Variants in SENP6 observed in about 807,000 individuals in gnomAD.
SENP6 encodes the protein SUMO specific peptidase 6.
Under a neutral mutation model 134.5 loss-of-function variants are expected in SENP6, and 41 were observed. That is an observed-to-expected ratio of 0.30 (90% CI 0.24 to 0.40). The LOEUF (loss-of-function observed/expected upper bound fraction) is 0.40, where lower values mean the gene tolerates loss of function less well. Among genes scored for constraint, SENP6 ranks in the 10% least tolerant of loss-of-function variants. The pLI is 1.00. For synonymous variants in SENP6, 395 were observed against 429.8 expected (o/e 0.92, Z 1.00); for missense variants, 1,248 against 1,312.5 (o/e 0.95, Z 0.76).
In SENP6 at chr6:75,650,756, A is replaced by G. The variant is rs192295366; in HGVS notation, c.550+2955A>G. 1.8e-4 allele frequency among the ~76,000 whole-genome samples: 28 copies of G among 152,314 alleles called. 1 individual carries two copies. The highest frequency in any genetic ancestry group is 5.8e-4 in the African/African-American group (24 of 41,580). On this transcript the variant is annotated intron_variant, in intron 7 of 23. Transcript: ENST00000447266. Reference sequence around the variant, plus strand: ...AATAGCAATGCTATAATAATACTGTATATATTGTTATATGAAGATTGCATT... The same window carrying G: ...AATAGCAATGCTATAATAATACTGTGTATATTGTTATATGAAGATTGCATT...
In SENP6 at chr6:75,709,598, C is replaced by T. The variant is rs750643862; in HGVS notation, c.2788C>T (p.Leu930Phe). 6.2e-6 allele frequency: 10 copies of T among 1,613,648 alleles called. No individual in the cohort carries two copies. In the South Asian group the frequency reaches 1.1e-4, roughly 18 times the overall value. Residue 930 changes from leucine (L) to phenylalanine (F), a missense_variant, in exon 20 of 24, where the codon CTC (leucine) becomes TTC (phenylalanine). Leu to Phe is a conservative substitution (Grantham distance 22, BLOSUM62 0). Around this residue, in one of 3 missense-constraint regions of SENP6, gnomAD observed 386 missense variants for 395.0 expected, o/e 0.98. Transcript: ENST00000447266. ...PEAGKMLEDELVDFSEDQDNQ... is the reference protein window; with the variant it reads ...PEAGKMLEDEFVDFSEDQDNQ... The stretch of plus-strand genomic sequence containing the variant: ...AGCTGGTAAAATGCTTGAAGATGAA[C>T]TCGTCGACTTCTCAGAAGATCAGGA...
At chr6:75,669,292 G>A (rs1480623979) in intron 10 of SENP6, among the ~76,000 whole-genome samples, 6 of 152,128 alleles carry the variant, frequency 3.9e-5, no homozygotes, top group Non-Finnish European at 8.8e-5. Flanking sequence ...GGAGGTGGAG[G>A]TTGCGGTGAG....
At chr6:75,635,759 T>C (rs1022777609) in intron 5 of SENP6, among the ~76,000 whole-genome samples, 2 of 152,056 alleles carry the variant, frequency 1.3e-5, no homozygotes, top group African/African-American at 2.4e-5. Flanking sequence ...GGCCTACATA[T>C]GGCAAAAACA....
chr6:75,605,794 TA>T, intron 1 of SENP6, among the ~76,000 whole-genome samples: 1 of 152,022 alleles, frequency 6.6e-6, no homozygotes. Context: ...TATCTTTTTT[TA>T]AAAAAAAGTT....
intron 11 of SENP6, 49 bp from the exon 12 acceptor site, chr6:75,675,386 T>C: frequency 1.9e-6 from 2 of 1,068,860 alleles, no homozygotes; most frequent in East Asian, 2.5e-5. Flanking sequence ...AAGTGAAGCC[T>C]GCCTTTCTTT....
At chr6:75,660,049 A>T (rs1403172500) in intron 8 of SENP6, among the ~76,000 whole-genome samples, 1 of 152,198 alleles carries the variant, frequency 6.6e-6, no homozygotes. Context: ...GCTGCATTGA[A>T]TTGCTGCGAA....
intron 3 of SENP6, among the ~76,000 whole-genome samples, chr6:75,633,072 A>G (rs1365700076): frequency 1.3e-5 from 2 of 152,176 alleles, no homozygotes; most frequent in Admixed American, 6.5e-5. Context: ...ATATACTGTG[A>G]TCTCTCTAAA....
At position 75,670,673 on chromosome 6, in the gene SENP6, A is replaced by C. The variant is rs763394690; in HGVS notation, c.1345A>C (p.Ser449Arg). 2 of 1,613,278 alleles carry C rather than the reference A, an allele frequency of 1.2e-6. No individual in the cohort carries two copies. The highest frequency in any genetic ancestry group is 1.7e-6 in the Non-Finnish European group (2 of 1,179,614). ...SFDSVILNCR[S>R]IRVGTLFRLL... is the part of the protein sequence containing the mutation. ...TGACAGTGTCATTTTAAACTGTCGA[A>C]GTATACGAGTAGGAACACTCTTCCG... Residue 449 changes from serine (S) to arginine (R), a missense_variant, in exon 11 of 24, where the codon AGT (serine) becomes CGT (arginine). Physicochemically the swap from Ser to Arg is moderately radical, Grantham distance 110. Around this residue, in one of 3 missense-constraint regions of SENP6, gnomAD observed 733 missense variants for 725.4 expected, o/e 1.01. Coordinates refer to ENST00000447266, the MANE Select transcript of SENP6 (RefSeq NM_015571.4).
intron 23 of SENP6, among the ~76,000 whole-genome samples, chr6:75,715,094 T>G (rs974748982): frequency 5.9e-5 from 9 of 152,166 alleles, no homozygotes; most frequent in African/African-American, 2.2e-4. Context: ...CTGCAGACCA[T>G]ATGTAAATGA....
chr6:75,612,702 A>G (rs1477994583), intron 1 of SENP6, among the ~76,000 whole-genome samples: 1 of 152,182 alleles, frequency 6.6e-6, no homozygotes, highest in Non-Finnish European at 1.5e-5. Context: ...AAAACTTAAA[A>G]ACAGTACTGA....
chr6:75,681,928 A>G (rs190441360), intron 16 of SENP6, among the ~76,000 whole-genome samples: 3 of 152,310 alleles, frequency 2.0e-5, no homozygotes, highest in Admixed American at 1.3e-4. Flanking sequence ...CTCAAAATAC[A>G]AAACTGAAAT....
At chr6:75,664,644 G>T (rs1772054315) in intron 9 of SENP6, among the ~76,000 whole-genome samples, 1 of 152,164 alleles carries the variant, frequency 6.6e-6, no homozygotes, top group South Asian at 2.1e-4. Flanking sequence ...AGTGTTGAAA[G>T]AGAAACCATG....
Position 75,659,371 on chromosome 6 carries a change from A to C in SENP6, c.660A>C (p.Leu220=), listed in dbSNP as rs202089228. The change falls in exon 8 of 24, where the codon CTA becomes CTC. Residue 220 remains leucine (L), a synonymous_variant. Transcript: ENST00000447266. The part of the protein sequence containing the change: ...HCSTYQPTPP[L]SPASKKCLTH... ...GTACCTATCAGCCTACTCCTCCTCTATCTCCTGCTTCAAAAAAATGTTTAA... is the reference window on the plus strand; with the variant it reads ...GTACCTATCAGCCTACTCCTCCTCTCTCTCCTGCTTCAAAAAAATGTTTAA... The C allele has an allele frequency of 3.7e-6, 6 of 1,610,512 alleles. No homozygotes were observed. Among genetic ancestry groups the C allele is most frequent in the Non-Finnish European group, 5.1e-6 (6 of 1,177,994 alleles).
At chr6:75,712,735 G>GA (rs773110436) in intron 21 of SENP6, among the ~76,000 whole-genome samples, 159 of 148,172 alleles carry the variant, frequency 1.1e-3, no homozygotes, top group Middle Eastern at 3.5e-3. Context: ...GTGGAATCTT[G>GA]AAAAAAAAAA....
intron 17 of SENP6, 79 bp downstream of exon 17, chr6:75,696,002 A>G (rs1774635876): frequency 1.5e-6 from 2 of 1,300,566 alleles, no homozygotes; most frequent in Non-Finnish European, 2.1e-6. Context: ...ACTTGAAAGA[A>G]AACACAAATC....
chr6:75,623,017 C>A (rs1330169154), intron 2 of SENP6, among the ~76,000 whole-genome samples: 1 of 151,120 alleles, frequency 6.6e-6, no homozygotes, highest in African/African-American at 2.4e-5. Flanking sequence ...GAAAATATAC[C>A]ACTTTTTAAA....
intron 5 of SENP6, among the ~76,000 whole-genome samples, chr6:75,638,241 T>A (rs796401361): frequency 1.9e-3 from 167 of 89,380 alleles, no homozygotes; most frequent in African/African-American, 6.5e-3. Flanking sequence ...CCTTTTCTTT[T>A]GTTTTTTTTT....
chr6:75,708,553 TG>T (rs1775556996), intron 19 of SENP6, among the ~76,000 whole-genome samples: 1 of 152,122 alleles, frequency 6.6e-6, no homozygotes, highest in African/African-American at 2.4e-5. Context: ...ATTGCATCAC[TG>T]GACTCCACCT....
intron 1 of SENP6, among the ~76,000 whole-genome samples, chr6:75,604,625 CA>C (rs536476652): frequency 6.1e-4 from 82 of 134,246 alleles, no homozygotes; most frequent in South Asian, 3.3e-3. Context: ...ATTCTGTCTC[CA>C]AAAAAAAAAA....
Sources: allele counts gnomAD v4.1 joint callset (sites outside exome capture counted in the v4.1 genomes callset), GRCh38; gene constraint gnomAD v4.1.1; regional missense constraint gnomAD v4.1.1; transcripts MANE v1.5; gene names NCBI Gene and HGNC (gene_info 2026-07-23, HGNC 2026-07-21).